The following BICC1 variants were observed in gnomAD, a reference collection of about 807,000 sequenced individuals.
BICC1 encodes protein bicaudal C homolog 1.
A neutral mutation model predicts 111.0 loss-of-function variants in BICC1; 43 were observed. The observed-to-expected ratio is 0.39, with a 90% confidence interval of 0.30 to 0.50. The LOEUF is 0.50. BICC1 is among the 20% of genes least tolerant of loss of function. BICC1 has a pLI of 0.88. For missense variants in BICC1, 1,091 were observed against 1,203.2 expected (o/e 0.91, Z 1.38); for synonymous variants, 467 against 434.4 (o/e 1.07, Z -0.93).
chr10:58,660,347 C>A (rs1398640095), intron 2 of BICC1, among the ~76,000 whole-genome samples: 1 of 152,122 alleles, frequency 6.6e-6, no homozygotes, highest in African/African-American at 2.4e-5. Context: ...GCCCTAAAAT[C>A]ATTTCTCCAG....
rs765473594 is a variant in BICC1 at position 58,513,352 on chromosome 10, C to G, written c.190+19C>G. ...TTACAAGGTAGGCATCCCTCGTGTT[C>G]TCGGACTCTCCGACTGAGCCTCTAA... On this transcript the variant is annotated intron_variant, in intron 1 of 20. Coordinates refer to ENST00000373886, the MANE Select transcript of BICC1 (RefSeq NM_001080512.3). The G allele has an allele frequency of 2.1e-5, 33 of 1,582,060 alleles. No individual in the cohort carries two copies. Among genetic ancestry groups the G allele is most frequent in the Non-Finnish European group, 2.8e-5 (32 of 1,160,918 alleles).
chr10:58,701,922 G>GTT, intron 2 of BICC1, 152 bp from the exon 3 acceptor site: 27 of 503,038 alleles, frequency 5.4e-5, no homozygotes, highest in East Asian at 6.9e-5. Flanking sequence ...TCCCCCCAGG[G>GTT]TTTTTTTTTT....
At chr10:58,676,430 T>C (rs1210865102) in intron 2 of BICC1, among the ~76,000 whole-genome samples, 1 of 152,108 alleles carries the variant, frequency 6.6e-6, no homozygotes, top group East Asian at 1.9e-4. Flanking sequence ...ATGCTCGAGC[T>C]TGGTAGGGGG....
chr10:58,817,844 G>A (rs1844143558), intron 19 of BICC1, 122 bp downstream of exon 19: 1 of 957,068 alleles, frequency 1.0e-6, no homozygotes, highest in African/African-American at 1.7e-5. Flanking sequence ...AAGTCTCATA[G>A]CTTGTCCTTG....
intron 19 of BICC1, among the ~76,000 whole-genome samples, chr10:58,819,787 G>A (rs1430297484): frequency 6.6e-6 from 1 of 152,102 alleles, no homozygotes; most frequent in Non-Finnish European, 1.5e-5. Context: ...TTAAAGGAAG[G>A]TGGGGGATCC....
intron 20 of BICC1, among the ~76,000 whole-genome samples, chr10:58,821,435 GC>G (rs1416653833): frequency 6.6e-6 from 1 of 152,140 alleles, no homozygotes; most frequent in African/African-American, 2.4e-5. Flanking sequence ...AATCAGATCA[GC>G]AGATAAAATT....
At chr10:58,659,017 T>A (rs1838754234) in intron 2 of BICC1, among the ~76,000 whole-genome samples, 1 of 152,170 alleles carries the variant, frequency 6.6e-6, no homozygotes, top group South Asian at 2.1e-4. Flanking sequence ...CGTACGTATA[T>A]CTATGACTAA....
intron 1 of BICC1, among the ~76,000 whole-genome samples, chr10:58,518,482 G>A (rs1842300290): frequency 6.6e-6 from 1 of 151,090 alleles, no homozygotes; most frequent in Non-Finnish European, 1.5e-5. Context: ...CAGCAGTACT[G>A]TCTCACATGA....
chr10:58,556,938 C>T (rs1470470200), intron 1 of BICC1, among the ~76,000 whole-genome samples: 2 of 151,816 alleles, frequency 1.3e-5, no homozygotes, highest in East Asian at 1.9e-4. Flanking sequence ...AATTATGGCC[C>T]CTAAAGGATG....
chr10:58,619,633 C>T (rs1270279361), intron 1 of BICC1, among the ~76,000 whole-genome samples: 1 of 152,056 alleles, frequency 6.6e-6, no homozygotes, highest in Non-Finnish European at 1.5e-5. Context: ...CACCACCACA[C>T]CCAGCTAATT....
intron 8 of BICC1, among the ~76,000 whole-genome samples, chr10:58,792,187 G>T (rs1324602216): frequency 1.3e-5 from 2 of 151,874 alleles, no homozygotes; most frequent in African/African-American, 4.8e-5. Flanking sequence ...TGGAAATTCT[G>T]TGCATCAGAG....
intron 2 of BICC1, among the ~76,000 whole-genome samples, chr10:58,662,181 A>G (rs1838865046): frequency 6.6e-6 from 1 of 152,180 alleles, no homozygotes; most frequent in Middle Eastern, 3.2e-3. Flanking sequence ...TAGTCCCTCC[A>G]GGCCAAAATA....
intron 2 of BICC1, among the ~76,000 whole-genome samples, chr10:58,673,045 T>G (rs1839229636): frequency 1.3e-5 from 2 of 152,182 alleles, no homozygotes; most frequent in South Asian, 4.1e-4. Context: ...AGGACATCTG[T>G]GTGTTTGTCT....
Position 58,584,055 on chromosome 10 carries a change from A to AACACAC in BICC1, c.191-36760_191-36755dup, listed in dbSNP as rs140080926. ...ATCTCTACTCTGAATGTAAACATGA[A>AACACAC]ACACACACACACACACACACACACA... On this transcript the variant is annotated intron_variant, in intron 1 of 20. Transcript: ENST00000373886. Among the ~76,000 whole-genome samples, 374 of 147,936 alleles carry AACACAC rather than the reference A, an allele frequency of 2.5e-3. 1 individual carries two copies. Among genetic ancestry groups the AACACAC allele is most frequent in the African/African-American group, 3.8e-3 (149 of 39,444 alleles).
intron 1 of BICC1, among the ~76,000 whole-genome samples, chr10:58,523,717 GAGAA>G (rs1298655678): frequency 6.6e-6 from 1 of 152,114 alleles, no homozygotes; most frequent in South Asian, 2.1e-4. Context: ...AATCAGGCAG[GAGAA>G]AGAAAGAAAG....
intron 1 of BICC1, among the ~76,000 whole-genome samples, chr10:58,519,195 C>T (rs1463406806): frequency 6.6e-6 from 1 of 152,152 alleles, no homozygotes; most frequent in African/African-American, 2.4e-5. Context: ...TGCACTGTGG[C>T]TGTGGCTGTG....
At chr10:58,567,535 T>C (rs536431744) in intron 1 of BICC1, among the ~76,000 whole-genome samples, 2 of 151,698 alleles carry the variant, frequency 1.3e-5, no homozygotes, top group East Asian at 3.9e-4. Flanking sequence ...AGGGTATATA[T>C]ATATATCTCT....
At chr10:58,653,655 A>T (rs192664399) in intron 2 of BICC1, among the ~76,000 whole-genome samples, 1 of 147,064 alleles carries the variant, frequency 6.8e-6, no homozygotes, top group Non-Finnish European at 1.5e-5. Flanking sequence ...GGCAGTGCAC[A>T]TCCTTTTACA....
At chr10:58,673,337 A>C (rs551447393) in intron 2 of BICC1, among the ~76,000 whole-genome samples, 17 of 152,286 alleles carry the variant, frequency 1.1e-4, no homozygotes, top group African/African-American at 4.1e-4. Context: ...ATCAGTTCCA[A>C]TATTTATTCA....
Sources: gnomAD v4.1 joint callset for allele counts (sites outside exome capture counted in the v4.1 genomes callset) on GRCh38, gnomAD v4.1.1 for gene constraint, MANE v1.5 for transcripts, NCBI Gene and HGNC (gene_info 2026-07-23, HGNC 2026-07-21) for gene names.